ARMH4: variants seen among roughly 807,000 people sequenced by gnomAD.
The protein encoded by ARMH4 is armadillo like helical domain containing 4, also known as armadillo-like helical domain-containing protein 4.
A neutral mutation model predicts 61.9 loss-of-function variants in ARMH4; 49 were observed. The observed-to-expected ratio is 0.79, with a 90% CI of 0.63 to 1.00. The LOEUF (loss-of-function observed/expected upper bound fraction) is 1.00, where lower values mean the gene tolerates loss of function less well. Among genes scored for constraint, ARMH4 ranks in the 50% least tolerant of loss-of-function variants. The pLI, the probability that ARMH4 is intolerant of heterozygous loss-of-function variation, is 0.00. For synonymous variants in ARMH4, 368 were observed against 341.5 expected (o/e 1.08, Z -0.85); for missense variants, 934 against 930.0 (o/e 1.00, Z -0.06).
intron 5 of ARMH4, among the ~76,000 whole-genome samples, chr14:58,036,603 G>A (rs1164023593): frequency 0.017 from 2,161 of 127,230 alleles, 78 homozygotes; most frequent in African/African-American, 0.059. Context: ...AAAAGAGGAA[G>A]TCAAATTGTC....
intron 5 of ARMH4, among the ~76,000 whole-genome samples, chr14:58,061,546 G>A (rs564547111): frequency 1.1e-4 from 16 of 152,286 alleles, no homozygotes; most frequent in South Asian, 4.1e-4. Flanking sequence ...CTGGTTAATC[G>A]CTTTCCTCAA....
intron 1 of ARMH4, among the ~76,000 whole-genome samples, chr14:58,150,560 G>A (rs1887887767): frequency 1.3e-5 from 2 of 152,084 alleles, no homozygotes; most frequent in Admixed American, 1.3e-4. Flanking sequence ...GTAAAGGTCT[G>A]GCAGGAAACT....
chr14:58,060,707 G>C (rs1227462919), intron 5 of ARMH4, among the ~76,000 whole-genome samples: 4 of 152,140 alleles, frequency 2.6e-5, no homozygotes, highest in Admixed American at 2.6e-4. Context: ...ATACCTCTCT[G>C]TCTGAAAAAG....
intron 5 of ARMH4, among the ~76,000 whole-genome samples, chr14:58,039,292 G>A (rs1883600698): frequency 6.6e-6 from 1 of 152,090 alleles, no homozygotes; most frequent in Admixed American, 6.6e-5. Flanking sequence ...ATCCTTTCCA[G>A]GTGTTTCTCC....
chr14:58,095,731 T>C (rs891558672), intron 5 of ARMH4, among the ~76,000 whole-genome samples: 2 of 152,300 alleles, frequency 1.3e-5, no homozygotes, highest in African/African-American at 4.8e-5. Flanking sequence ...TGCCAATCTA[T>C]AGAGTGCAAC....
chr14:58,136,828 G>A (rs1394470407), intron 2 of ARMH4, among the ~76,000 whole-genome samples: 1 of 152,066 alleles, frequency 6.6e-6, no homozygotes, highest in South Asian at 2.1e-4. Flanking sequence ...CGGATGCAAA[G>A]GCCAAAAGAA....
chr14:58,131,208 G>A, intron 4 of ARMH4: 1 of 281,212 alleles, frequency 3.6e-6, no homozygotes, highest in Non-Finnish European at 6.7e-6. Flanking sequence ...GAATTAGTAT[G>A]GCTGTGTTCC....
At chr14:58,131,357 A>C (rs1887088334) in intron 4 of ARMH4, 155 bp downstream of exon 4, 4 of 552,766 alleles carry the variant, frequency 7.2e-6, no homozygotes, top group South Asian at 3.0e-5. Context: ...CCATTCAAAA[A>C]CAAGTGGCAG....
chr14:58,088,638 G>A (rs1885458049), intron 5 of ARMH4, among the ~76,000 whole-genome samples: 1 of 152,124 alleles, frequency 6.6e-6, no homozygotes, highest in South Asian at 2.1e-4. Context: ...AGCTCCTACT[G>A]AGAGAAGCCC....
chr14:58,012,728 A>G (rs1218507159), intron 5 of ARMH4, among the ~76,000 whole-genome samples: 2 of 152,268 alleles, frequency 1.3e-5, no homozygotes, highest in East Asian at 1.9e-4. Flanking sequence ...CTATAGCAAT[A>G]CAACCACTAT....
intron 5 of ARMH4, among the ~76,000 whole-genome samples, chr14:58,052,682 C>A (rs1358043390): frequency 6.6e-6 from 1 of 152,118 alleles, no homozygotes; most frequent in Non-Finnish European, 1.5e-5. Context: ...CAGTTCCAAG[C>A]CATTATCCTT....
intron 5 of ARMH4, among the ~76,000 whole-genome samples, chr14:58,030,210 T>C (rs1462026432): frequency 6.6e-6 from 1 of 152,172 alleles, no homozygotes; most frequent in Non-Finnish European, 1.5e-5. Context: ...TCATATTCCA[T>C]TCACCCATAC....
intron 4 of ARMH4, among the ~76,000 whole-genome samples, chr14:58,120,042 C>T (rs1272584549): frequency 1.3e-5 from 2 of 152,098 alleles, no homozygotes; most frequent in Non-Finnish European, 2.9e-5. Context: ...CGTCATCATG[C>T]AAACATCATA....
intron 1 of ARMH4, among the ~76,000 whole-genome samples, chr14:58,146,867 T>G (rs981666946): frequency 3.3e-5 from 5 of 152,212 alleles, no homozygotes; most frequent in African/African-American, 9.7e-5. Flanking sequence ...AAGCTACTAC[T>G]TCCAGTGTCA....
intron 4 of ARMH4, among the ~76,000 whole-genome samples, chr14:58,130,104 G>A (rs1399055857): frequency 6.6e-6 from 1 of 152,144 alleles, no homozygotes; most frequent in East Asian, 1.9e-4. Context: ...GCTGGGTAAA[G>A]CTGTCATGTC....
At chr14:58,021,828 T>C (rs563305764) in intron 5 of ARMH4, among the ~76,000 whole-genome samples, 2 of 152,184 alleles carry the variant, frequency 1.3e-5, no homozygotes, top group Non-Finnish European at 2.9e-5. Flanking sequence ...CATTTTCACA[T>C]TTCATTGATC....
intron 5 of ARMH4, among the ~76,000 whole-genome samples, chr14:58,028,559 C>T (rs923660245): frequency 5.9e-5 from 9 of 152,118 alleles, no homozygotes; most frequent in African/African-American, 2.2e-4. Flanking sequence ...TCCAGGGTGC[C>T]ATCTTTGTGC....
At chr14:58,130,643 A>T (rs2139954319) in intron 4 of ARMH4, among the ~76,000 whole-genome samples, 1 of 152,324 alleles carries the variant, frequency 6.6e-6, no homozygotes, top group Middle Eastern at 3.4e-3. Flanking sequence ...CCGTGCCTCA[A>T]GTTTCTTTTA....
intron 1 of ARMH4, among the ~76,000 whole-genome samples, chr14:58,145,707 G>C (rs1178694285): frequency 1.3e-5 from 2 of 152,198 alleles, no homozygotes; most frequent in African/African-American, 4.8e-5. Context: ...AAATACAACA[G>C]AAAGAGTGGG....
Sources: gnomAD v4.1 joint callset for allele counts (sites outside exome capture counted in the v4.1 genomes callset) on GRCh38, gnomAD v4.1.1 for gene constraint, MANE v1.5 for transcripts, NCBI Gene and HGNC (gene_info 2026-07-23, HGNC 2026-07-21) for gene names.